PDZD2: variants seen among roughly 807,000 people sequenced by gnomAD.
The protein encoded by PDZD2 is PDZ domain-containing protein 2.
In PDZD2, 90 loss-of-function variants were observed where a neutral mutation model predicts 220.7. The observed-to-expected ratio is 0.41, with a 90% CI of 0.34 to 0.49. The LOEUF (loss-of-function observed/expected upper bound fraction) is 0.49. Among genes scored for constraint, PDZD2 ranks in the 20% least tolerant of loss-of-function variants. The pLI is 0.28. For missense variants in PDZD2, 3,174 were observed against 3,608.5 expected (o/e 0.88, Z 3.08); for synonymous variants, 1,375 against 1,450.5 (o/e 0.95, Z 1.18).
At chr5:31,766,703 C>G (rs1752036081) in intron 1 of PDZD2, among the ~76,000 whole-genome samples, 5 of 149,630 alleles carry the variant, frequency 3.3e-5, no homozygotes, top group Admixed American at 3.3e-4. Flanking sequence ...ACATAAGATT[C>G]ATAAGTTCTT....
chr5:32,059,217 C>T (rs776705979), intron 12 of PDZD2, 22 bp from the exon 13 acceptor site: 2 of 1,363,642 alleles, frequency 1.5e-6, no homozygotes, highest in Non-Finnish European at 2.1e-6. Flanking sequence ...TTTTTATTTT[C>T]TTTGAATGGT....
intron 6 of PDZD2, among the ~76,000 whole-genome samples, chr5:32,034,115 A>G (rs903672702): frequency 3.3e-5 from 5 of 152,168 alleles, no homozygotes; most frequent in African/African-American, 1.2e-4. Context: ...GTGTTGGGAA[A>G]ATAAAGGAGA....
At chr5:31,742,725 A>G (rs1750343609) in intron 1 of PDZD2, among the ~76,000 whole-genome samples, 1 of 152,126 alleles carries the variant, frequency 6.6e-6, no homozygotes, top group African/African-American at 2.4e-5. Context: ...CTTCATCTGT[A>G]AAGTGGAATA....
Position 31,687,654 on chromosome 5 carries a change from TAAATAAC to T in PDZD2, c.-361+48219_-361+48225del, listed in dbSNP as rs374607095. ...ACAAAATACCATAGACTGAGTGTCT[TAAATAAC>T]AGAAAAGTATTTTGTCATAGTTCTG... On this transcript the variant is annotated intron_variant, in intron 1 of 24. Coordinates refer to ENST00000438447, the MANE Select transcript of PDZD2 (RefSeq NM_178140.4). Among the ~76,000 whole-genome samples, 448 of 152,314 alleles carry T rather than the reference TAAATAAC, an allele frequency of 2.9e-3. 9 individuals are homozygous for T. Among genetic ancestry groups the T allele is most frequent in the African/African-American group, 0.011 (437 of 41,572 alleles).
intron 2 of PDZD2, among the ~76,000 whole-genome samples, chr5:31,971,886 A>G (rs1178764446): frequency 6.6e-6 from 1 of 152,174 alleles, no homozygotes; most frequent in Non-Finnish European, 1.5e-5. Flanking sequence ...CTTTTCAGCC[A>G]CAAAGGCCTC....
chr5:31,744,329 T>C (rs1010992385), intron 1 of PDZD2: 2 of 152,160 alleles, frequency 1.3e-5, no homozygotes, highest in African/African-American at 4.8e-5. Context: ...GACTTTGCCT[T>C]GCGTATATTT....
intron 2 of PDZD2, among the ~76,000 whole-genome samples, chr5:31,836,607 A>C (rs568695004): frequency 6.6e-6 from 1 of 151,620 alleles, no homozygotes; most frequent in Non-Finnish European, 1.5e-5. Flanking sequence ...TTCTTTTACA[A>C]CCTCTCCTAG....
chr5:31,777,169 G>T (rs908052436), intron 1 of PDZD2, among the ~76,000 whole-genome samples: 1 of 152,194 alleles, frequency 6.6e-6, no homozygotes, highest in Non-Finnish European at 1.5e-5. Context: ...TTCCGGGTGG[G>T]CACGGGCTCG....
At chr5:32,084,421 T>C (rs548460404) in intron 19 of PDZD2, among the ~76,000 whole-genome samples, 1 of 152,344 alleles carries the variant, frequency 6.6e-6, no homozygotes, top group African/African-American at 2.4e-5. Context: ...TCACAGGACA[T>C]ACCTCAGTGT....
rs1757631718 is a variant in PDZD2 at position 31,847,202 on chromosome 5, TAAG to T, written c.476+47482_476+47484del. On this transcript the variant is annotated intron_variant, in intron 2 of 24. Coordinates refer to ENST00000438447, the MANE Select transcript of PDZD2 (RefSeq NM_178140.4). ...TGTAAGGCTCTTTGGGGACATCTGA[TAAG>T]AAGCCCACAGAAATGACAAGCCAGA... The T allele has an allele frequency of 4.7e-5, 8 of 170,764 alleles. No individual in the cohort carries two copies. In the South Asian group the frequency reaches 6.3e-4, roughly 13 times the overall value. 10.6% of individuals were successfully genotyped at this position (170,764 alleles called of 1,614,324 possible).
intron 7 of PDZD2, among the ~76,000 whole-genome samples, chr5:32,047,096 C>T (rs1581369707): frequency 6.6e-6 from 1 of 151,856 alleles, no homozygotes; most frequent in Non-Finnish European, 1.5e-5. Flanking sequence ...GCCTATAAAT[C>T]GATAAGAAAG....
chr5:31,927,674 C>T (rs1038707541), intron 2 of PDZD2, among the ~76,000 whole-genome samples: 3 of 152,118 alleles, frequency 2.0e-5, no homozygotes, highest in Non-Finnish European at 4.4e-5. Context: ...CATGATCCAC[C>T]GCACCTGGCC....
chr5:32,067,163 C>T (rs754256752), intron 14 of PDZD2, among the ~76,000 whole-genome samples: 9 of 152,180 alleles, frequency 5.9e-5, no homozygotes, highest in Non-Finnish European at 8.8e-5. Context: ...ACAAGGATTT[C>T]TTTTCTTCTG....
At chr5:31,888,567 G>A in intron 2 of PDZD2, among the ~76,000 whole-genome samples, 1 of 152,206 alleles carries the variant, frequency 6.6e-6, no homozygotes, top group Non-Finnish European at 1.5e-5. Context: ...AGGCAGTGGT[G>A]TCTTTGTAGG....
chr5:31,989,416 C>CTTTTTTTTT (rs1385913596), intron 3 of PDZD2, among the ~76,000 whole-genome samples: 20 of 120,640 alleles, frequency 1.7e-4, no homozygotes, highest in South Asian at 2.9e-4. Context: ...ACCACATTTT[C>CTTTTTTTTT]TTTTCTTTTT....
chr5:31,710,771 G>A (rs1030954565), intron 1 of PDZD2, among the ~76,000 whole-genome samples: 9 of 150,614 alleles, frequency 6.0e-5, no homozygotes, highest in Admixed American at 1.3e-4. Flanking sequence ...AGCCGGGATC[G>A]CGCCATTGCA....
intron 2 of PDZD2, among the ~76,000 whole-genome samples, chr5:31,919,952 T>G (rs1744063730): frequency 6.6e-6 from 1 of 151,978 alleles, no homozygotes; most frequent in Non-Finnish European, 1.5e-5. Context: ...CCAAGGTCTT[T>G]GAGGCTGCAG....
At chr5:31,973,715 C>T (rs1036515153) in intron 2 of PDZD2, among the ~76,000 whole-genome samples, 2 of 152,202 alleles carry the variant, frequency 1.3e-5, no homozygotes, top group African/African-American at 4.8e-5. Flanking sequence ...TACCTCTGTT[C>T]TCTCTTAAAG....
chr5:32,026,983 GTC>G (rs1754718304), intron 6 of PDZD2, among the ~76,000 whole-genome samples: 1 of 152,268 alleles, frequency 6.6e-6, no homozygotes, highest in Admixed American at 6.5e-5. Flanking sequence ...GCTCACTGCA[GTC>G]TCTGCCTCCC....
Sources: allele counts gnomAD v4.1 joint callset (sites outside exome capture counted in the v4.1 genomes callset), GRCh38; gene constraint gnomAD v4.1.1; transcripts MANE v1.5; gene names NCBI Gene and HGNC (gene_info 2026-07-23, HGNC 2026-07-21).